PICALM: variants seen among roughly 807,000 people sequenced by gnomAD.
PICALM encodes the protein phosphatidylinositol-binding clathrin assembly protein.
In PICALM, 40 loss-of-function variants were observed where a neutral mutation model predicts 80.5. That is an observed-to-expected ratio of 0.50 (90% CI 0.39 to 0.65). The LOEUF is 0.65. PICALM is among the 30% of genes least tolerant of loss of function. The probability of loss-of-function intolerance (pLI) is 0.00; values close to 1 mark genes in which losing one functional copy is unlikely to be tolerated. For synonymous variants in PICALM, 288 were observed against 260.3 expected, an observed-to-expected ratio of 1.11 and a Z score of -1.02; for missense variants, 676 against 778.9, an observed-to-expected ratio of 0.87 and a Z score of 1.57.
At chr11:85,999,126 G>A (rs600258) in intron 11 of PICALM, among the ~76,000 whole-genome samples, 119,950 of 152,148 alleles carry the variant, frequency 0.79, 47,373 homozygotes, top group Non-Finnish European at 0.8. Context: ...TTTGATATAG[G>A]TAATACAATT....
intron 2 of PICALM, among the ~76,000 whole-genome samples, chr11:86,026,574 T>C (rs2095652580): frequency 6.6e-6 from 1 of 152,186 alleles, no homozygotes; most frequent in African/African-American, 2.4e-5. Flanking sequence ...TAAAGCCTAA[T>C]GCCCACAGAT....
At chr11:86,068,086 G>A (rs971222127) in intron 1 of PICALM, among the ~76,000 whole-genome samples, 1 of 152,254 alleles carries the variant, frequency 6.6e-6, no homozygotes, top group African/African-American at 2.4e-5. Flanking sequence ...AAAAGCAGGA[G>A]GGAAGGTGGA....
chr11:86,010,130 A>G (rs554085502), intron 7 of PICALM, among the ~76,000 whole-genome samples: 23 of 152,202 alleles, frequency 1.5e-4, no homozygotes, highest in Non-Finnish European at 3.1e-4. Flanking sequence ...ATGGGAGAAC[A>G]AACAAAAAAA....
intron 4 of PICALM, among the ~76,000 whole-genome samples, chr11:86,015,997 C>T (rs759645380): frequency 1.6e-4 from 25 of 152,218 alleles, no homozygotes; most frequent in Non-Finnish European, 3.1e-4. Flanking sequence ...TGATCAGCTT[C>T]GGCCTAATTC....
chr11:85,968,996 A>G (rs1156285494), intron 19 of PICALM, among the ~76,000 whole-genome samples: 11 of 143,984 alleles, frequency 7.6e-5, no homozygotes, highest in Admixed American at 6.3e-4. Flanking sequence ...ACACACACAC[A>G]CGGAGAAAAG....
intron 7 of PICALM, 73 bp downstream of exon 7, chr11:86,010,957 G>A (rs1216217944): frequency 7.2e-6 from 5 of 696,844 alleles, no homozygotes; most frequent in Admixed American, 2.8e-5. Context: ...TTTGGATAGT[G>A]AGTGATGACT....
Position 85,957,584 on chromosome 11 carries a change from T to G in PICALM, c.*1462A>C, listed in dbSNP as rs1372817238. 1 of 187,502 alleles carries G rather than the reference T, an allele frequency of 5.3e-6. No individual in the cohort carries two copies. Among genetic ancestry groups the G allele is most frequent in the African/African-American group, 2.3e-5 (1 of 42,754 alleles). 11.6% of individuals were successfully genotyped at this position (187,502 alleles called of 1,614,324 possible). On this transcript the variant is annotated 3_prime_UTR_variant, in exon 20 of 20. Coordinates refer to ENST00000393346, the MANE Select transcript of PICALM (RefSeq NM_007166.4). ...CATGTTATTAGATCAACAAATATAA[T>G]CACCTGGGTATATTTTATTAGGGAA...
chr11:86,004,155 T>C (rs1280932166), intron 8 of PICALM, among the ~76,000 whole-genome samples: 5 of 152,196 alleles, frequency 3.3e-5, no homozygotes, highest in Non-Finnish European at 7.4e-5. Flanking sequence ...TTATTTACAA[T>C]AGTCAAAAAC....
At chr11:86,007,419 G>A in intron 8 of PICALM, 123 bp downstream of exon 8, 1 of 627,590 alleles carries the variant, frequency 1.6e-6, no homozygotes, top group Non-Finnish European at 3.0e-6. Context: ...ACATCAAAAT[G>A]TTAAAACTGG....
intron 12 of PICALM, among the ~76,000 whole-genome samples, chr11:85,991,087 A>C (rs7938033): frequency 0.41 from 61,823 of 151,958 alleles, 12,938 homozygotes; most frequent in East Asian, 0.63. Context: ...AATATGTATT[A>C]TATCAAATCC....
chr11:85,969,181 A>C (rs2094014426), intron 19 of PICALM, among the ~76,000 whole-genome samples: 1 of 152,236 alleles, frequency 6.6e-6, no homozygotes. Flanking sequence ...CCTAGATAAA[A>C]TGTAAGACAC....
At chr11:85,988,060 AT>A (rs1361806658) in intron 13 of PICALM, among the ~76,000 whole-genome samples, 3 of 152,198 alleles carry the variant, frequency 2.0e-5, no homozygotes, top group Non-Finnish European at 4.4e-5. Flanking sequence ...AAGAGCCTCA[AT>A]TCTTTAGTTG....
chr11:86,066,717 G>C (rs1193969696), intron 1 of PICALM, among the ~76,000 whole-genome samples: 3 of 148,182 alleles, frequency 2.0e-5, no homozygotes, highest in African/African-American at 7.5e-5. Flanking sequence ...AGTTCACACA[G>C]TCACAACTAG....
At chr11:86,001,234 G>A in intron 9 of PICALM, 76 bp from the exon 10 acceptor site, 1 of 1,446,240 alleles carries the variant, frequency 6.9e-7, no homozygotes, top group Non-Finnish European at 9.5e-7. Context: ...AAATGGTCTG[G>A]CAACCTTGCC....
At chr11:86,027,346 C>T (rs1450707290) in intron 2 of PICALM, among the ~76,000 whole-genome samples, 1 of 152,090 alleles carries the variant, frequency 6.6e-6, no homozygotes. Context: ...TAGTACATAA[C>T]CTTAGTCTCC....
chr11:86,056,213 A>G (rs2096268545), intron 1 of PICALM, among the ~76,000 whole-genome samples: 1 of 149,706 alleles, frequency 6.7e-6, no homozygotes, highest in Non-Finnish European at 1.5e-5. Flanking sequence ...AAGACATTGT[A>G]TCAAGAAAGT....
intron 3 of PICALM, among the ~76,000 whole-genome samples, chr11:86,022,963 G>T (rs1019421569): frequency 6.6e-5 from 10 of 151,984 alleles, no homozygotes; most frequent in African/African-American, 2.4e-4. Context: ...ATAAGAAATG[G>T]CAACATGCAA....
In PICALM at chr11:85,998,219, C is replaced by T. The variant is rs571824648; in HGVS notation, c.1155-1290G>A. Among the ~76,000 whole-genome samples, 119 of 152,226 alleles carry T rather than the reference C, an allele frequency of 7.8e-4. 2 individuals carry two copies. The highest frequency in any genetic ancestry group is 7.4e-4 in the Non-Finnish European group (50 of 68,012). Reference sequence around the variant, plus strand: ...CTCCGCCTCCCGGGTTCATGCCATTCTTCTACCTCAGCCTGCCAAGTAGCT... The same window carrying T: ...CTCCGCCTCCCGGGTTCATGCCATTTTTCTACCTCAGCCTGCCAAGTAGCT... On this transcript the variant is annotated intron_variant, in intron 11 of 19. Transcript: ENST00000393346.
chr11:86,039,149 A>G (rs567319596), intron 1 of PICALM, among the ~76,000 whole-genome samples: 1 of 151,732 alleles, frequency 6.6e-6, no homozygotes, highest in South Asian at 2.1e-4. Context: ...AAAAATCAGT[A>G]TATTAGCACA....
Sources: allele counts gnomAD v4.1 joint callset (sites outside exome capture counted in the v4.1 genomes callset), GRCh38; gene constraint gnomAD v4.1.1; transcripts MANE v1.5; gene names NCBI Gene and HGNC (gene_info 2026-07-23, HGNC 2026-07-21).